The following FCSK variants were observed in gnomAD, a reference collection of about 807,000 sequenced individuals.
FCSK encodes the protein L-fucose kinase.
Under a neutral mutation model 122.5 loss-of-function variants are expected in FCSK, and 123 were observed. The ratio of observed to expected loss-of-function variants is 1.00; its 90% confidence interval spans 0.87 to 1.17. The LOEUF is 1.17. Among genes scored for constraint, FCSK ranks in the 50% most tolerant of loss-of-function variants. The pLI, the probability that FCSK is intolerant of heterozygous loss-of-function variation, is 0.00. For missense variants in FCSK, 1,366 were observed against 1,450.4 expected, an observed-to-expected ratio of 0.94 and a Z score of 0.95; for synonymous variants, 620 against 625.5, an observed-to-expected ratio of 0.99 and a Z score of 0.13.
At position 70,479,664 on chromosome 16, in the gene FCSK, G is replaced by T; in HGVS notation, c.3239G>T (p.Cys1080Phe). Residue 1080 changes from cysteine to phenylalanine, a missense_variant, in exon 24 of 24, where the codon TGT becomes TTT. Transcript: ENST00000288078. Reference protein sequence around the residue: ...LKLLGTEASTCCPFP With the variant: ...LKLLGTEASTFCPFP Reference sequence around the variant, plus strand: ...CTGCTGGGGACCGAGGCCTCAACCTGTTGCCCTTTCCCATGAAGCTGGCTT... The same window carrying T: ...CTGCTGGGGACCGAGGCCTCAACCTTTTGCCCTTTCCCATGAAGCTGGCTT... 6.2e-7 allele frequency: 1 copy of T among 1,613,908 alleles called. No homozygotes were observed. The highest frequency in any genetic ancestry group is 8.5e-7 in the Non-Finnish European group (1 of 1,179,886).
chr16:70,469,597 C>A (rs531585385), intron 10 of FCSK, among the ~76,000 whole-genome samples: 1 of 152,072 alleles, frequency 6.6e-6, no homozygotes, highest in African/African-American at 2.4e-5. Flanking sequence ...TTTGTCGCCC[C>A]GGCTAGAGTG....
At chr16:70,459,364 C>A (rs1277486582) in intron 1 of FCSK, among the ~76,000 whole-genome samples, 1 of 152,050 alleles carries the variant, frequency 6.6e-6, no homozygotes, top group African/African-American at 2.4e-5. Flanking sequence ...TGGTGAAACC[C>A]TGTCTTTACT....
intron 4 of FCSK, 121 bp from the exon 5 acceptor site, chr16:70,466,011 G>C (rs2048406827): frequency 9.7e-7 from 1 of 1,027,412 alleles, no homozygotes; most frequent in South Asian, 1.6e-5. Context: ...TATTGTAGGA[G>C]AAAATATCAA....
At chr16:70,460,882 T>C (rs1468194473) in intron 1 of FCSK, among the ~76,000 whole-genome samples, 1 of 152,174 alleles carries the variant, frequency 6.6e-6, no homozygotes, top group Admixed American at 6.5e-5. Context: ...TTAGTTACAC[T>C]CCCTGCTGCA....
At position 70,478,190 on chromosome 16, in the gene FCSK, G is replaced by A. The variant is rs184386612; in HGVS notation, c.2642-82G>A. The A allele has an allele frequency of 4.3e-6, 6 of 1,402,668 alleles. No individual in the cohort carries two copies. In the East Asian group the frequency reaches 1.4e-4, roughly 32 times the overall value. The allele number at this position is 1,402,668 out of a possible 1,614,324, so 86.9% of individuals were successfully genotyped here. A position where few individuals can be genotyped will look rare whatever the true frequency, so the allele number is the denominator to read the frequency against. On this transcript the variant is annotated intron_variant, in intron 20 of 23. Transcript: ENST00000288078. The stretch of plus-strand genomic sequence containing the variant: ...TATCTTTCCACACTGGTCCCAGCAA[G>A]GGGTGCAGGGCCGGGAGCCTAGGCT...
chr16:70,479,517 T>C (rs2048932775), intron 23 of FCSK, 62 bp from the exon 24 acceptor site: 37 of 1,525,538 alleles, frequency 2.4e-5, no homozygotes, highest in Non-Finnish European at 3.2e-5. Context: ...GCAGGCCCAG[T>C]CCAGCCTCCA....
At chr16:70,471,812 G>GT (rs1230034123) in intron 13 of FCSK, among the ~76,000 whole-genome samples, 19,380 of 128,616 alleles carry the variant, frequency 0.15, 5,218 homozygotes, top group African/African-American at 0.55. Context: ...TGGGGTTGTT[G>GT]TTTTTTTTTT....
At position 70,474,707 on chromosome 16, in the gene FCSK, T is replaced by C. The variant is rs1361631462; in HGVS notation, c.2155+13T>C. 6.3e-7 allele frequency: 1 copy of C among 1,593,648 alleles called. No individual in the cohort carries two copies. Among genetic ancestry groups the C allele is most frequent in the Admixed American group, 1.8e-5 (1 of 56,976 alleles). ...GTGGATTTCTCTGGTGAGCCCCTTG[T>C]GGCAGGTGGGGTTGAGGGTAGCTGC... On this transcript the variant is annotated intron_variant, in intron 17 of 23. Transcript: ENST00000288078.
Position 70,469,189 on chromosome 16 carries a change from A to T in FCSK, c.821A>T (p.Glu274Val). 2 of 1,614,166 alleles carry T rather than the reference A, an allele frequency of 1.2e-6. No homozygotes were observed. The highest frequency in any genetic ancestry group is 1.7e-6 in the Non-Finnish European group (2 of 1,180,022). ...TTTGACATTCTCCACTGCATGGCTGAGAACGTGACCAGGGAGGACTTCCTG... is the reference window on the plus strand; with the variant it reads ...TTTGACATTCTCCACTGCATGGCTGTGAACGTGACCAGGGAGGACTTCCTG... Reference protein sequence around the residue: ...LFFDILHCMAENVTREDFLVG... With the variant: ...LFFDILHCMAVNVTREDFLVG... The change falls in exon 10 of 24, where the codon GAG becomes GTG. Residue 274 changes from glutamate to valine, a missense_variant. Glu to Val is a moderately radical substitution (Grantham distance 121, BLOSUM62 -2). Coordinates refer to ENST00000288078, the MANE Select transcript of FCSK (RefSeq NM_145059.3).
chr16:70,466,531 A>T, intron 5 of FCSK: 1 of 477,380 alleles, frequency 2.1e-6, no homozygotes, highest in Non-Finnish European at 3.7e-6. Context: ...CATCTCTACA[A>T]AAAAATTTTT....
In FCSK at chr16:70,474,874, C is replaced by T; in HGVS notation, c.2240C>T (p.Pro747Leu). Residue 747 changes from proline (P) to leucine (L), a missense_variant, in exon 18 of 24, where the codon CCC (proline) becomes CTC (leucine). Pro to Leu is a moderately conservative substitution (Grantham distance 98, BLOSUM62 -3). Coordinates refer to ENST00000288078, the MANE Select transcript of FCSK (RefSeq NM_145059.3). ...GLAVRVDGRR[P>L]IGARARRIPE... is the part of the protein sequence containing the mutation. Reference sequence around the variant, plus strand: ...GCTGTGCGAGTGGACGGCCGCCGGCCCATCGGAGCCAGGGCACGCCGCATC... The same window carrying T: ...GCTGTGCGAGTGGACGGCCGCCGGCTCATCGGAGCCAGGGCACGCCGCATC... 1 of 1,601,692 alleles carries T rather than the reference C, an allele frequency of 6.2e-7. No homozygotes were observed. Among genetic ancestry groups the T allele is most frequent in the Non-Finnish European group, 8.5e-7 (1 of 1,175,466 alleles).
chr16:70,467,133 T>C lies in FCSK; in HGVS notation c.484+179T>C, dbSNP rs1313991305. On this transcript the variant is annotated intron_variant, in intron 6 of 23. Transcript: ENST00000288078. Reference sequence around the variant, plus strand: ...GGGCTTCTCCTGCTGTGCCTCAGTCTGTCTGTCTATAGGATGGACAGAAGC... The same window carrying C: ...GGGCTTCTCCTGCTGTGCCTCAGTCCGTCTGTCTATAGGATGGACAGAAGC... 5 of 681,874 alleles carry C rather than the reference T, an allele frequency of 7.3e-6. No individual in the cohort carries two copies. The African/African-American group carries it at 8.8e-5, about 12-fold the overall frequency. The allele number at this position is 681,874 out of a possible 1,614,324, so 42.2% of individuals were successfully genotyped here.
intron 20 of FCSK, chr16:70,476,414 TC>T (rs567861981): frequency 6.1e-4 from 93 of 152,656 alleles, no homozygotes; most frequent in Middle Eastern, 3.4e-3. Flanking sequence ...CTTCCGCCTG[TC>T]CTGGCATCGT....
chr16:70,458,167 T>C (rs1469143875), intron 1 of FCSK, among the ~76,000 whole-genome samples: 4 of 150,754 alleles, frequency 2.7e-5, no homozygotes, highest in African/African-American at 7.3e-5. Flanking sequence ...TTCTTTCTTT[T>C]TTTTTTTTTT....
At chr16:70,468,238 G>A (rs780097556) in intron 8 of FCSK, among the ~76,000 whole-genome samples, 8 of 152,168 alleles carry the variant, frequency 5.3e-5, no homozygotes, top group Admixed American at 4.6e-4. Context: ...TCTGGGCAAC[G>A]TGGTGAAACC....
rs113924361 is a variant in FCSK at position 70,478,478 on chromosome 16, A to G, written c.2829+19A>G. ...GCTGCAGGTGAGCTCTGGCCCCAGC[A>G]TGAGGGAGGCAGGCAGGGGGCCTGC... On this transcript the variant is annotated intron_variant, in intron 21 of 23. Transcript: ENST00000288078. 2.5e-6 allele frequency: 4 copies of G among 1,613,570 alleles called. No individual in the cohort carries two copies. Among genetic ancestry groups the G allele is most frequent in the Non-Finnish European group, 3.4e-6 (4 of 1,179,934 alleles).
rs370283040 is a variant in FCSK, at chr16:70,467,429, G to A, written c.540G>A (p.Pro180=). 3.0e-4 allele frequency: 476 copies of A among 1,610,400 alleles called. No individual in the cohort carries two copies. The South Asian group carries it at 3.1e-3, about 10-fold the overall frequency. ...GAGTGATCGCCCTCCCAGGGAGCCC[G>A]GCCTACGCTCAGAATCATGGCGTCT... is the stretch of plus-strand genomic sequence containing the variant. ...GARVIALPGS[P]AYAQNHGVYL... Residue 180 remains proline (P), a synonymous_variant, in exon 7 of 24, where the codon CCG becomes CCA. Coordinates refer to ENST00000288078, the MANE Select transcript of FCSK (RefSeq NM_145059.3).
intron 4 of FCSK, 79 bp from the exon 5 acceptor site, chr16:70,466,053 G>A (rs910108330): frequency 6.8e-7 from 1 of 1,469,674 alleles, no homozygotes; most frequent in Admixed American, 2.0e-5. Context: ...TCCACTGGAT[G>A]GCTTTCTGCC....
chr16:70,462,925 A>G (rs1245600574), intron 1 of FCSK, among the ~76,000 whole-genome samples: 1 of 152,182 alleles, frequency 6.6e-6, no homozygotes, highest in Non-Finnish European at 1.5e-5. Context: ...GATTGCAGGC[A>G]TGAGCCTCTG....
Sources: gnomAD v4.1 joint callset for allele counts (sites outside exome capture counted in the v4.1 genomes callset) on GRCh38, gnomAD v4.1.1 for gene constraint, MANE v1.5 for transcripts, NCBI Gene and HGNC (gene_info 2026-07-23, HGNC 2026-07-21) for gene names.